Variants in ZNF18 observed in about 807,000 individuals in gnomAD.
ZNF18 encodes the protein heart development-specific gene 1 protein.
A neutral mutation model predicts 58.1 loss-of-function variants in ZNF18; 42 were observed. That is an observed-to-expected ratio of 0.72 (90% CI 0.56 to 0.93). The LOEUF is 0.93. ZNF18 is among the 40% of genes least tolerant of loss of function. The probability of loss-of-function intolerance (pLI) is 0.00; values close to 1 mark genes in which losing one functional copy is unlikely to be tolerated. For synonymous variants in ZNF18, 231 were observed against 239.8 expected (o/e 0.96, Z 0.34); for missense variants, 540 against 644.2 (o/e 0.84, Z 1.75).
At chr17:12,008,120 T>C in the ZNF18 span, among the ~76,000 whole-genome samples, 2 of 152,110 alleles carry the variant, frequency 1.3e-5, no homozygotes, top group Non-Finnish European at 2.9e-5. Flanking sequence ...AGAAACCCCA[T>C]CTTGGAAGAG....
At chr17:11,999,175 C>T (rs1025640614), upstream of ZNF18, among the ~76,000 whole-genome samples, 1 of 152,152 alleles carries the variant, frequency 6.6e-6, no homozygotes, top group Admixed American at 6.5e-5. Flanking sequence ...TCAATGTGTT[C>T]GCTTTTAGCT....
intron 5 of ZNF18, 137 bp downstream of exon 5, chr17:11,983,976 G>T: frequency 1.5e-6 from 1 of 682,144 alleles, no homozygotes; most frequent in Non-Finnish European, 2.4e-6. Context: ...ACTTGCCCCA[G>T]TTCCCAACTG....
chr17:11,992,614 T>TG lies in ZNF18; in HGVS notation c.215dup (p.Glu73ArgfsTer87). On this transcript the variant is annotated frameshift_variant, in exon 2 of 7. Coordinates refer to ENST00000580306, the MANE Select transcript of ZNF18 (RefSeq NM_001303281.2). LOFTEE classifies it high-confidence loss of function. ...GGATCTGCTCTTTGGTGTGAACCTC[T>TG]GGCTGTAGCCACTGGAAACAGAGCT... is the stretch of plus-strand genomic sequence containing the variant. The TG allele has an allele frequency of 4.3e-6, 7 of 1,614,256 alleles. No individual in the cohort carries two copies. Among genetic ancestry groups the TG allele is most frequent in the Non-Finnish European group, 5.9e-6 (7 of 1,180,046 alleles).
chr17:12,003,928 G>A, the ZNF18 span, among the ~76,000 whole-genome samples: 1 of 152,182 alleles, frequency 6.6e-6, no homozygotes, highest in Non-Finnish European at 1.5e-5. Flanking sequence ...CCACACCATG[G>A]AGCAGTTAAA....
upstream of ZNF18, chr17:11,998,304 A>G (rs1968586802): frequency 6.6e-6 from 1 of 152,134 alleles, no homozygotes; most frequent in Admixed American, 6.5e-5. Context: ...CCACGACATC[A>G]ACTTGTGATA....
chr17:11,982,824 T>C (rs778555118), intron 6 of ZNF18, among the ~76,000 whole-genome samples: 1 of 152,216 alleles, frequency 6.6e-6, no homozygotes, highest in Non-Finnish European at 1.5e-5. Context: ...AAATTATTTA[T>C]ACGAAGTATT....
the ZNF18 span, chr17:12,011,190 C>A: frequency 3.6e-6 from 2 of 559,176 alleles, no homozygotes; most frequent in Non-Finnish European, 6.5e-6. Flanking sequence ...GAACATATAT[C>A]GGGTGCCTCT....
the ZNF18 span, among the ~76,000 whole-genome samples, chr17:12,008,206 C>T: frequency 4.6e-5 from 7 of 152,196 alleles, no homozygotes; most frequent in African/African-American, 1.4e-4. Flanking sequence ...GTTCTCTTCT[C>T]TGAGATTGAT....
chr17:12,002,040 TG>T (rs1346491582), upstream of ZNF18, among the ~76,000 whole-genome samples: 2 of 151,650 alleles, frequency 1.3e-5, no homozygotes, highest in Non-Finnish European at 2.9e-5. Flanking sequence ...AAAGAAAGGA[TG>T]AAAGGTGGGA....
chr17:11,992,754 A>G lies in ZNF18; in HGVS notation c.76T>C (p.Ser26Pro), dbSNP rs763558349. ...AKAEDSQFSE[S>P]DAALQEELSS... ...AGTTCCTCTTGAAGGGCAGCATCTG[A>G]TTCTGAGAACTGGGAGTCCTCGGCC... Residue 26 changes from serine to proline, a missense_variant, in exon 2 of 7, where the codon TCA becomes CCA. By Grantham distance (74) the Ser-to-Pro change is moderately conservative. Transcript: ENST00000580306. The G allele has an allele frequency of 1.7e-5, 27 of 1,614,226 alleles. No individual in the cohort carries two copies. Among genetic ancestry groups the G allele is most frequent in the Non-Finnish European group, 2.3e-5 (27 of 1,180,044 alleles).
chr17:12,000,736 G>C (rs1968642173), upstream of ZNF18, among the ~76,000 whole-genome samples: 1 of 152,058 alleles, frequency 6.6e-6, no homozygotes, highest in African/African-American at 2.4e-5. Context: ...AAGGAAGAAA[G>C]AAAGAATCAT....
the ZNF18 span, among the ~76,000 whole-genome samples, chr17:12,006,396 T>C: frequency 6.6e-6 from 1 of 152,114 alleles, no homozygotes; most frequent in East Asian, 1.9e-4. Flanking sequence ...ATTAGTAAAA[T>C]GAGAGATAAA....
At chr17:11,983,446 G>A (rs774362126) in intron 5 of ZNF18, 39 bp from the exon 6 acceptor site, 4 of 1,493,892 alleles carry the variant, frequency 2.7e-6, no homozygotes, top group Non-Finnish European at 3.7e-6. Flanking sequence ...TGGATGAATA[G>A]GGAAGACTGG....
chr17:11,977,909 G>T lies in ZNF18; in HGVS notation c.*48C>A, dbSNP rs745719037. ...CCTCTTGATGGAGCTGAGTATTTTT[G>T]TGACTGGGCTGGGAGATAGAAATGG... On this transcript the variant is annotated 3_prime_UTR_variant, in exon 7 of 7. Coordinates refer to ENST00000580306, the MANE Select transcript of ZNF18 (RefSeq NM_001303281.2). The T allele has an allele frequency of 3.9e-6, 6 of 1,520,298 alleles. No individual in the cohort carries two copies. In the Admixed American group the frequency reaches 1.3e-4, roughly 34 times the overall value. The allele number at this position is 1,520,298 out of a possible 1,614,324, so 94.2% of individuals were successfully genotyped here. A position where few individuals can be genotyped will look rare whatever the true frequency, so the allele number is the denominator to read the frequency against.
rs1321986101 is a variant in ZNF18 at position 11,990,535 on chromosome 17, T to C, written c.593A>G (p.Gln198Arg). 6.2e-7 allele frequency: 1 copy of C among 1,610,838 alleles called. No individual in the cohort carries two copies. The highest frequency in any genetic ancestry group is 8.5e-7 in the Non-Finnish European group (1 of 1,179,106). Residue 198 changes from glutamine (Q) to arginine (R), a missense_variant, in exon 4 of 7, where the codon CAG becomes CGG. Coordinates refer to ENST00000580306, the MANE Select transcript of ZNF18 (RefSeq NM_001303281.2). ...CAGCCTTTCCTCCAGTCGGGCAGGC[T>C]GGGAGGCAGCCAGGGCTGAAGTGAG... is the stretch of plus-strand genomic sequence containing the variant. ...TEAELALAAS[Q>R]PARLEERLIR...
chr17:12,004,147 C>G, the ZNF18 span, among the ~76,000 whole-genome samples: 2 of 152,186 alleles, frequency 1.3e-5, no homozygotes, highest in African/African-American at 4.8e-5. Flanking sequence ...AGGAGAATCG[C>G]TTGAACCCGG....
upstream of ZNF18, among the ~76,000 whole-genome samples, chr17:11,997,951 ACT>A (rs1222410332): frequency 6.0e-5 from 9 of 150,794 alleles, no homozygotes; most frequent in Admixed American, 6.0e-4. Context: ...TGGTTCTCCC[ACT>A]CTCATCAGCT....
chr17:12,020,950 G>A, the ZNF18 span: 5 of 1,115,682 alleles, frequency 4.5e-6, no homozygotes, highest in Non-Finnish European at 5.5e-6. Flanking sequence ...CGGCACCCCC[G>A]GCCCCGTAGG....
chr17:11,980,920 T>A (rs1252215319), intron 6 of ZNF18, among the ~76,000 whole-genome samples: 1 of 152,240 alleles, frequency 6.6e-6, no homozygotes, highest in Non-Finnish European at 1.5e-5. Context: ...TATTCTTGCA[T>A]GTTATATTCT....
Sources: gnomAD v4.1 joint callset for allele counts (sites outside exome capture counted in the v4.1 genomes callset) on GRCh38, gnomAD v4.1.1 for gene constraint, MANE v1.5 for transcripts, NCBI Gene and HGNC (gene_info 2026-07-23, HGNC 2026-07-21) for gene names.